The following EVPL variants were observed in gnomAD, a reference collection of about 807,000 sequenced individuals.
EVPL encodes the protein 210 kDa cornified envelope precursor protein.
Under a neutral mutation model 129.7 loss-of-function variants are expected in EVPL, and 94 were observed. The ratio of observed to expected loss-of-function variants is 0.72; its 90% CI spans 0.61 to 0.86. EVPL has a LOEUF of 0.86. Ranked by LOEUF, EVPL falls within the 40% of genes least tolerant of loss-of-function variation. EVPL has a pLI of 0.00. For synonymous variants in EVPL, 1,172 were observed against 1,191.1 expected (o/e 0.98, Z 0.33); for missense variants, 2,625 against 2,721.1 (o/e 0.96, Z 0.79).
In EVPL at chr17:76,009,239, C is replaced by T. The variant is rs771525160; in HGVS notation, c.3966G>A (p.Lys1322=). The part of the protein sequence containing the change: ...TVSKEVVRHE[K]DPVLEKEAER... Reference sequence around the variant, plus strand: ...CTGCTTCTTTCTCCAGCACCGGGTCCTTCTCGTGGCGCACCACCTCCTTGC... The same window carrying T: ...CTGCTTCTTTCTCCAGCACCGGGTCTTTCTCGTGGCGCACCACCTCCTTGC... Residue 1322 remains lysine, a synonymous_variant, in exon 22 of 22, where the codon AAG becomes AAA. Transcript: ENST00000301607. The surrounding 1 kb of genome is among the most constrained non-coding windows in gnomAD (Gnocchi z 5.9). The T allele has an allele frequency of 5.0e-6, 8 of 1,607,916 alleles. No homozygotes were observed. In the South Asian group the frequency reaches 7.7e-5, roughly 15 times the overall value.
Position 76,008,310 on chromosome 17 carries a change from G to A in EVPL, c.4895C>T (p.Ala1632Val). The change falls in exon 22 of 22, where the codon GCC becomes GTC. Residue 1632 changes from alanine (A) to valine (V), a missense_variant. Coordinates refer to ENST00000301607, the MANE Select transcript of EVPL (RefSeq NM_001988.4). The surrounding 1 kb of genome is among the most constrained non-coding windows in gnomAD (Gnocchi z 7.4). The stretch of plus-strand genomic sequence containing the variant: ...CCGCGAGAGCTCCTGGCCCCGCTGG[G>A]CCGCCTTCTGTCGCTCGCTCTCCGT... ...QKTESERQKA[A>V]QRGQELSRLE... 4 of 1,608,700 alleles carry A rather than the reference G, an allele frequency of 2.5e-6. No individual in the cohort carries two copies. The highest frequency in any genetic ancestry group is 1.1e-5 in the South Asian group (1 of 91,064).
chr17:76,022,414 G>T lies in EVPL; in HGVS notation c.605C>A (p.Pro202Gln). The change falls in exon 5 of 22, where the codon CCG becomes CAG. Residue 202 changes from proline to glutamine, a missense_variant and splice_region_variant. Transcript: ENST00000301607. The surrounding 1 kb of genome is among the most constrained non-coding windows in gnomAD (Gnocchi z 5.6). ...YGQQLRSLVG[P>Q]DAATIRSQYR... is the part of the protein sequence containing the mutation. Reference sequence around the variant, plus strand: ...GTGACATCCTCCAGGCTCACCTACCGGCCCCACGAGGCTCCGCAGCTGCTG... The same window carrying T: ...GTGACATCCTCCAGGCTCACCTACCTGCCCCACGAGGCTCCGCAGCTGCTG... The T allele has an allele frequency of 6.2e-7, 1 of 1,613,590 alleles. No homozygotes were observed. Among genetic ancestry groups the T allele is most frequent in the Non-Finnish European group, 8.5e-7 (1 of 1,179,916 alleles).
intron 9 of EVPL, among the ~76,000 whole-genome samples, chr17:76,020,925 T>C (rs188955672): frequency 8.5e-5 from 13 of 152,294 alleles, no homozygotes; most frequent in African/African-American, 2.4e-4. Flanking sequence ...CTGGACTTCA[T>C]GCATAAAAAG....
In EVPL at chr17:76,014,931, T is replaced by C. The variant is rs1598236979; in HGVS notation, c.2207A>G (p.Asp736Gly). 1 of 1,585,828 alleles carries C rather than the reference T, an allele frequency of 6.3e-7. No individual in the cohort carries two copies. The highest frequency in any genetic ancestry group is 8.6e-7 in the Non-Finnish European group (1 of 1,165,350). The change falls in exon 17 of 22, where the codon GAC becomes GGC. Residue 736 changes from aspartate (D) to glycine (G), a missense_variant. Coordinates refer to ENST00000301607, the MANE Select transcript of EVPL (RefSeq NM_001988.4). ...AGTCGCTCACCGCAGGTCCAGCTGG[T>C]CCCCTACGGCGTGGTAGCGGTCGGT... Reference protein sequence around the residue: ...ALTDRYHAVGDQLDLREKVVQ... With the variant: ...ALTDRYHAVGGQLDLREKVVQ...
intron 13 of EVPL, 79 bp downstream of exon 13, chr17:76,018,082 G>T (rs1005045067): frequency 6.5e-7 from 1 of 1,540,354 alleles, no homozygotes; most frequent in African/African-American, 1.4e-5. Flanking sequence ...GGCGACCCCT[G>T]CCCATCACAG....
chr17:76,023,193 C>A, intron 4 of EVPL, 99 bp downstream of exon 4: 5 of 1,566,312 alleles, frequency 3.2e-6, no homozygotes. Flanking sequence ...CTGAGCCACC[C>A]CTACACCCTG....
At position 76,010,071 on chromosome 17, in the gene EVPL, T is replaced by G. The variant is rs1010962705; in HGVS notation, c.3134A>C (p.Glu1045Ala). 17 of 1,613,324 alleles carry G rather than the reference T, an allele frequency of 1.1e-5. No homozygotes were observed. The highest frequency in any genetic ancestry group is 1.4e-5 in the Non-Finnish European group (16 of 1,180,022). Reference sequence around the variant, plus strand: ...CAGCCGGGCCGAGATGACGGCATCCTCCCCGCGGAGCTGCTGGATCTGGAT... The same window carrying G: ...CAGCCGGGCCGAGATGACGGCATCCGCCCCGCGGAGCTGCTGGATCTGGAT... ...LRIQIQQLRG[E>A]DAVISARLEG... The change falls in exon 22 of 22, where the codon GAG (glutamate) becomes GCG (alanine). Residue 1045 changes from glutamate to alanine, a missense_variant. By Grantham distance (107) the Glu-to-Ala change is moderately radical (BLOSUM62 -1). Coordinates refer to ENST00000301607, the MANE Select transcript of EVPL (RefSeq NM_001988.4).
chr17:76,008,389 T>C lies in EVPL; in HGVS notation c.4816A>G (p.Lys1606Glu). 1 of 1,597,498 alleles carries C rather than the reference T, an allele frequency of 6.3e-7. No individual in the cohort carries two copies. Residue 1606 changes from lysine to glutamate, a missense_variant, in exon 22 of 22, where the codon AAG becomes GAG. Lys to Glu is a moderately conservative substitution (Grantham distance 56). Around this residue, in one of 4 missense-constraint regions of EVPL, gnomAD observed 1,453 missense variants for 1,511.8 expected, o/e 0.96. Coordinates refer to ENST00000301607, the MANE Select transcript of EVPL (RefSeq NM_001988.4). This position sits in a 1 kb window ranked among gnomAD's most constrained non-coding sequence, Gnocchi z 7.4. ...TGCAGCTGCAGTGTCTGCTGCTGCTTCTGCCTCTCCAGAGCCCGCAGCTCC... is the reference window on the plus strand; with the variant it reads ...TGCAGCTGCAGTGTCTGCTGCTGCTCCTGCCTCTCCAGAGCCCGCAGCTCC... Reference protein sequence around the residue: ...QQELRALERQKQQQTLQLQEE... With the variant: ...QQELRALERQEQQQTLQLQEE...
At chr17:76,014,694 C>T in intron 17 of EVPL, 118 bp from the exon 18 acceptor site, 1 of 1,398,978 alleles carries the variant, frequency 7.1e-7, no homozygotes, top group Non-Finnish European at 9.7e-7. Context: ...CCCGAGTGGC[C>T]TGCTGTGCAG....
In EVPL at chr17:76,007,683, A is replaced by ATGC; in HGVS notation, c.5519_5521dup (p.Ser1840dup). On this transcript the variant is annotated inframe_insertion, in exon 22 of 22. Transcript: ENST00000301607. This position sits in a 1 kb window ranked among gnomAD's most constrained non-coding sequence, Gnocchi z 8.8. The stretch of plus-strand genomic sequence containing the variant: ...CATGTTCTTGGCCACGGCCGTCTTG[A>ATGC]TGCTGCACTTGTTGTCTGTGGTTGT... 6.2e-7 allele frequency: 1 copy of ATGC among 1,613,808 alleles called. No homozygotes were observed. The highest frequency in any genetic ancestry group is 8.5e-7 in the Non-Finnish European group (1 of 1,179,916).
rs772732376 is a variant in EVPL at position 76,024,082 on chromosome 17, A to T, written c.137T>A (p.Met46Lys). 3.1e-6 allele frequency: 5 copies of T among 1,613,862 alleles called. No individual in the cohort carries two copies. In the African/African-American group the frequency reaches 6.7e-5, roughly 22 times the overall value. Residue 46 changes from methionine (M) to lysine (K), a missense_variant, in exon 2 of 22, where the codon ATG becomes AAG. Around this residue, in one of 4 missense-constraint regions of EVPL, gnomAD observed 139 missense variants for 186.8 expected, o/e 0.74. Transcript: ENST00000301607. The surrounding 1 kb of genome is among the most constrained non-coding windows in gnomAD (Gnocchi z 4.5). ...TQELALLISR[M>K]QANADQVERD... ...CTCCACCTGGTCGGCGTTGGCTTGC[A>T]TGCGGGAGATGAGAAGGGCCAGCTC...
At position 76,018,633 on chromosome 17, in the gene EVPL, G is replaced by A. The variant is rs764665825; in HGVS notation, c.1285-33C>T. The stretch of plus-strand genomic sequence containing the variant: ...CACAGAAAGGGAGCAGCTCCTGAGG[G>A]CTCAGGGGCAGGGGGCCAAGGCCAG... On this transcript the variant is annotated intron_variant, in intron 11 of 21. Transcript: ENST00000301607. The A allele has an allele frequency of 2.5e-6, 4 of 1,571,604 alleles. No homozygotes were observed. In the East Asian group the frequency reaches 6.8e-5, roughly 27 times the overall value.
chr17:76,025,414 G>A (rs879265675), intron 1 of EVPL, among the ~76,000 whole-genome samples: 2 of 152,186 alleles, frequency 1.3e-5, no homozygotes, highest in Admixed American at 6.5e-5. Flanking sequence ...TGGATCGCAC[G>A]TGAGGGGAGA....
At chr17:76,010,619 A>C in intron 21 of EVPL, 76 bp from the exon 22 acceptor site, 1 of 1,449,656 alleles carries the variant, frequency 6.9e-7, no homozygotes. Context: ...GAGATGAAAG[A>C]CCCCTCCCTG....
rs548179517 is a variant in EVPL at position 76,014,699 on chromosome 17, G to A, written c.2223-123C>T. 3.1e-4 allele frequency: 427 copies of A among 1,356,152 alleles called. 2 individuals carry two copies. Among genetic ancestry groups the A allele is most frequent in the Middle Eastern group, 1.8e-3 (7 of 3,926 alleles). 84.0% of individuals were successfully genotyped at this position (1,356,152 alleles called of 1,614,324 possible). Reference sequence around the variant, plus strand: ...GGTCAGGAGGCCCGAGTGGCCTGCTGTGCAGATCCCCACTCCCTGACCCTG... The same window carrying A: ...GGTCAGGAGGCCCGAGTGGCCTGCTATGCAGATCCCCACTCCCTGACCCTG... On this transcript the variant is annotated intron_variant, in intron 17 of 21. Coordinates refer to ENST00000301607, the MANE Select transcript of EVPL (RefSeq NM_001988.4).
In EVPL at chr17:76,010,204, C is replaced by G. The variant is rs149701860; in HGVS notation, c.3001G>C (p.Val1001Leu). 2.5e-6 allele frequency: 4 copies of G among 1,613,902 alleles called. No homozygotes were observed. The highest frequency in any genetic ancestry group is 2.7e-5 in the African/African-American group (2 of 74,916). Reference sequence around the variant, plus strand: ...GTCTTCCTCTTGCTTTCCAGCTGCACGACCTTCTGGGCTGCCACTTCCAGG... The same window carrying G: ...GTCTTCCTCTTGCTTTCCAGCTGCAGGACCTTCTGGGCTGCCACTTCCAGG... Reference protein sequence around the residue: ...ADLEVAAQKVVQLESKRKTMQ... With the variant: ...ADLEVAAQKVLQLESKRKTMQ... The change falls in exon 22 of 22, where the codon GTG (valine) becomes CTG (leucine). Residue 1001 changes from valine (V) to leucine (L), a missense_variant. Physicochemically the swap from Val to Leu is conservative, Grantham distance 32 (BLOSUM62 1). This residue lies in a region of EVPL where 1,453 missense variants were observed against 1,511.8 expected (regional missense o/e 0.96). Coordinates refer to ENST00000301607, the MANE Select transcript of EVPL (RefSeq NM_001988.4).
In EVPL at chr17:76,007,327, G is replaced by A; in HGVS notation, c.5878C>T (p.Leu1960Phe). 1.0e-5 allele frequency: 16 copies of A among 1,564,464 alleles called. No individual in the cohort carries two copies. The highest frequency in any genetic ancestry group is 1.1e-5 in the Non-Finnish European group (13 of 1,151,394). The change falls in exon 22 of 22, where the codon CTC (leucine) becomes TTC (phenylalanine). Residue 1960 changes from leucine to phenylalanine, a missense_variant. This residue lies in a region of EVPL where 1,453 missense variants were observed against 1,511.8 expected (regional missense o/e 0.96). Coordinates refer to ENST00000301607, the MANE Select transcript of EVPL (RefSeq NM_001988.4). The surrounding 1 kb of genome is among the most constrained non-coding windows in gnomAD (Gnocchi z 8.8). Reference sequence around the variant, plus strand: ...AGCTCTTCACTGATCATCCCGGAGAGGAGGGCCTGCTGGATGGGGATGCGG... The same window carrying A: ...AGCTCTTCACTGATCATCCCGGAGAAGAGGGCCTGCTGGATGGGGATGCGG... ...TGRIPIQQAL[L>F]SGMISEELAQ...
chr17:76,012,711 G>A (rs2144411076), intron 18 of EVPL, among the ~76,000 whole-genome samples: 1 of 151,640 alleles, frequency 6.6e-6, no homozygotes, highest in Non-Finnish European at 1.5e-5. Context: ...GCAGGTCCGG[G>A]TGGCCCTGAG....
In EVPL at chr17:76,014,394, G is replaced by A; in HGVS notation, c.2373+32C>T. On this transcript the variant is annotated intron_variant, in intron 18 of 21. Transcript: ENST00000301607. Reference sequence around the variant, plus strand: ...GCTTTGGCCACTAGGGGGCCACATGGGCACAGGCAGCTGTCCCTGCCCCAG... The same window carrying A: ...GCTTTGGCCACTAGGGGGCCACATGAGCACAGGCAGCTGTCCCTGCCCCAG... 5 of 1,593,894 alleles carry A rather than the reference G, an allele frequency of 3.1e-6. No individual in the cohort carries two copies. In the African/African-American group the frequency reaches 5.4e-5, roughly 17 times the overall value.
Sources: gnomAD v4.1 joint callset for allele counts (sites outside exome capture counted in the v4.1 genomes callset) on GRCh38, gnomAD v4.1.1 for gene constraint, gnomAD v4.1.1 regional missense constraint, Gnocchi (gnomAD v3.1) non-coding constraint, MANE v1.5 for transcripts, NCBI Gene and HGNC (gene_info 2026-07-23, HGNC 2026-07-21) for gene names.